The following RHOT1 variants were observed in gnomAD, a reference collection of about 807,000 sequenced individuals.
The protein encoded by RHOT1 is ras homolog family member T1.
In RHOT1, 27 loss-of-function variants were observed where a neutral mutation model predicts 95.3. That is an observed-to-expected ratio of 0.28 (90% CI 0.21 to 0.39). The LOEUF is 0.39. Among genes scored for constraint, RHOT1 ranks in the 10% least tolerant of loss-of-function variants. The pLI is 1.00. For synonymous variants in RHOT1, 227 were observed against 263.5 expected (o/e 0.86, Z 1.34); for missense variants, 578 against 786.7 (o/e 0.73, Z 3.17).
chr17:32,142,665 C>T lies in RHOT1; in HGVS notation c.-28C>T, dbSNP rs376903401. 454 of 1,523,030 alleles carry T rather than the reference C, an allele frequency of 3.0e-4. No homozygotes were observed. The African/African-American group carries it at 5.7e-3, about 19-fold the overall frequency. 94.3% of individuals were successfully genotyped at this position (1,523,030 alleles called of 1,614,324 possible). A position where few individuals can be genotyped will look rare whatever the true frequency, so the allele number is the denominator to read the frequency against. ...GAGGAGTCCACTCCGTGCGTGCGGG[C>T]GGAGGCCGGCCCCCGAGAGCCGCCG... is the stretch of plus-strand genomic sequence containing the variant. On this transcript the variant is annotated 5_prime_UTR_variant, in exon 1 of 20. Coordinates refer to ENST00000545287, the MANE Select transcript of RHOT1 (RefSeq NM_001033566.3).
intron 1 of RHOT1, among the ~76,000 whole-genome samples, chr17:32,170,048 A>G (rs907366946): frequency 3.3e-5 from 5 of 152,106 alleles, no homozygotes; most frequent in Non-Finnish European, 1.5e-5. Flanking sequence ...AACCATTCCA[A>G]TGTTCCTTGT....
chr17:32,212,607 G>C (rs1429381189), intron 19 of RHOT1, among the ~76,000 whole-genome samples: 2 of 152,186 alleles, frequency 1.3e-5, no homozygotes, highest in African/African-American at 2.4e-5. Flanking sequence ...AAGCCTTCCT[G>C]AGAGAGTGCT....
At chr17:32,170,813 T>C (rs1200022021) in intron 1 of RHOT1, among the ~76,000 whole-genome samples, 1 of 152,250 alleles carries the variant, frequency 6.6e-6, no homozygotes, top group Non-Finnish European at 1.5e-5. Flanking sequence ...TAGTAGAGGA[T>C]GTTAGGAGGG....
At chr17:32,153,901 G>T (rs1567654493) in intron 1 of RHOT1, among the ~76,000 whole-genome samples, 1 of 152,136 alleles carries the variant, frequency 6.6e-6, no homozygotes, top group African/African-American at 2.4e-5. Flanking sequence ...ATTACATAAA[G>T]TACAGGGCTT....
intron 1 of RHOT1, among the ~76,000 whole-genome samples, chr17:32,149,995 C>T (rs907427938): frequency 3.9e-5 from 6 of 152,114 alleles, no homozygotes; most frequent in South Asian, 2.1e-4. Flanking sequence ...AATTGATCCA[C>T]GTGCCTCAGC....
intron 1 of RHOT1, among the ~76,000 whole-genome samples, chr17:32,148,498 T>G (rs147317019): frequency 6.6e-6 from 1 of 152,236 alleles, no homozygotes; most frequent in Non-Finnish European, 1.5e-5. Context: ...TGGTTACTAG[T>G]GTTGATCTCG....
chr17:32,217,600 C>CA (rs1211840102), intron 19 of RHOT1, among the ~76,000 whole-genome samples: 1 of 151,590 alleles, frequency 6.6e-6, no homozygotes, highest in East Asian at 2.0e-4. Flanking sequence ...ACTAAAAATA[C>CA]AAAAATTAGC....
At chr17:32,193,783 T>C (rs1045806405) in intron 10 of RHOT1, among the ~76,000 whole-genome samples, 1 of 152,208 alleles carries the variant, frequency 6.6e-6, no homozygotes, top group Non-Finnish European at 1.5e-5. Context: ...TCTAGTGCTC[T>C]CTCTTGCTGA....
chr17:32,163,368 A>G (rs543163358), intron 1 of RHOT1, among the ~76,000 whole-genome samples: 1 of 152,316 alleles, frequency 6.6e-6, no homozygotes, highest in South Asian at 2.1e-4. Flanking sequence ...TGACTGCTAA[A>G]TGCAGAAGAA....
At chr17:32,189,685 C>T (rs1315777713) in intron 8 of RHOT1, among the ~76,000 whole-genome samples, 1 of 151,542 alleles carries the variant, frequency 6.6e-6, no homozygotes, top group African/African-American at 2.4e-5. Flanking sequence ...TTTAAATTGC[C>T]TATAACGGAA....
intron 18 of RHOT1, chr17:32,209,277 A>G (rs1312832164): frequency 1.6e-5 from 12 of 728,798 alleles, no homozygotes; most frequent in East Asian, 2.9e-5. Flanking sequence ...AGTCATTCCT[A>G]TTATTATAGA....
chr17:32,156,592 T>C (rs2032986144), intron 1 of RHOT1, among the ~76,000 whole-genome samples: 1 of 152,238 alleles, frequency 6.6e-6, no homozygotes, highest in African/African-American at 2.4e-5. Context: ...TGTGCACTTT[T>C]TCTCATGTTA....
intron 19 of RHOT1, among the ~76,000 whole-genome samples, chr17:32,213,071 T>C (rs540808276): frequency 6.6e-6 from 1 of 152,300 alleles, no homozygotes; most frequent in Non-Finnish European, 1.5e-5. Context: ...GGCAGTCCCA[T>C]CCCACTGTTG....
At chr17:32,171,283 C>T (rs1052031431) in intron 2 of RHOT1, among the ~76,000 whole-genome samples, 182 bp downstream of exon 2, 1 of 152,110 alleles carries the variant, frequency 6.6e-6, no homozygotes, top group African/African-American at 2.4e-5. Flanking sequence ...TGCAGTGGTG[C>T]CATCATAGCC....
intron 1 of RHOT1, 151 bp from the exon 2 acceptor site, chr17:32,170,892 A>G: frequency 4.3e-6 from 2 of 470,120 alleles, no homozygotes; most frequent in Non-Finnish European, 7.7e-6. Context: ...TTCTAAACAT[A>G]AAGATATACT....
chr17:32,145,949 G>A (rs773328658), intron 1 of RHOT1, among the ~76,000 whole-genome samples: 2 of 152,176 alleles, frequency 1.3e-5, no homozygotes, highest in African/African-American at 2.4e-5. Context: ...CCAGGAGTTC[G>A]GGGCTGCTGT....
chr17:32,149,805 G>A (rs933695211), intron 1 of RHOT1, among the ~76,000 whole-genome samples: 1 of 151,704 alleles, frequency 6.6e-6, no homozygotes, highest in African/African-American at 2.4e-5. Flanking sequence ...CTGGAGTGCA[G>A]TGGCATGATC....
intron 2 of RHOT1, 152 bp from the exon 3 acceptor site, chr17:32,173,679 C>T (rs2034758750): frequency 3.3e-6 from 2 of 601,940 alleles, no homozygotes; most frequent in Non-Finnish European, 5.8e-6. Flanking sequence ...CACCACTGCA[C>T]TCTAGCCTGG....
rs761720661 is a variant in RHOT1 at position 32,182,746 on chromosome 17, GTTTA to G, written c.330-7_330-4del. The G allele has an allele frequency of 6.7e-7, 1 of 1,501,750 alleles. No individual in the cohort carries two copies. The highest frequency in any genetic ancestry group is 1.4e-5 in the African/African-American group (1 of 71,818). The allele number at this position is 1,501,750 out of a possible 1,614,324, so 93.0% of individuals were successfully genotyped here. ...TGCCTTCCTTATTACAATGTGCCCT[GTTTA>G]TTTTAGGCTGCCTTTAATATTGGTT... On this transcript the variant is annotated splice_polypyrimidine_tract_variant and splice_region_variant and intron_variant, in intron 6 of 19. Transcript: ENST00000545287.
Sources: gnomAD v4.1 joint callset for allele counts (sites outside exome capture counted in the v4.1 genomes callset) on GRCh38, gnomAD v4.1.1 for gene constraint, MANE v1.5 for transcripts, NCBI Gene and HGNC (gene_info 2026-07-23, HGNC 2026-07-21) for gene names.